Variants in CHFR observed in about 807,000 individuals in gnomAD.
CHFR encodes the protein E3 ubiquitin-protein ligase CHFR.
Under a neutral mutation model 87.6 loss-of-function variants are expected in CHFR, and 57 were observed. The observed-to-expected ratio is 0.65, with a 90% CI of 0.53 to 0.81. The LOEUF is 0.81. Among genes scored for constraint, CHFR ranks in the 30% least tolerant of loss-of-function variants. CHFR has a pLI of 0.00. For missense variants in CHFR, 797 were observed against 865.8 expected, an observed-to-expected ratio of 0.92 and a Z score of 1.00; for synonymous variants, 381 against 359.2, an observed-to-expected ratio of 1.06 and a Z score of -0.69.
chr12:132,842,095 C>A (rs145962987), intron 17 of CHFR, among the ~76,000 whole-genome samples: 2 of 121,962 alleles, frequency 1.6e-5, no homozygotes, highest in African/African-American at 6.4e-5. Context: ...GCAGACAGAG[C>A]GAGACTCCAT....
chr12:132,836,648 T>A lies in CHFR; in HGVS notation c.*4906A>T, dbSNP rs1371838616. 1 of 456,120 alleles carries A rather than the reference T, an allele frequency of 2.2e-6. No homozygotes were observed. The highest frequency in any genetic ancestry group is 1.5e-5 in the South Asian group (1 of 64,566). The allele number at this position is 456,120 out of a possible 1,614,324, so 28.3% of individuals were successfully genotyped here. A position where few individuals can be genotyped will look rare whatever the true frequency, so the allele number is the denominator to read the frequency against. On this transcript the variant is annotated 3_prime_UTR_variant, in exon 18 of 18. Transcript: ENST00000450056. Reference sequence around the variant, plus strand: ...CCTGAGTCCATTCCTTCCACAGACATGCACGACCAAGTGTCTGCTCTGTGT... The same window carrying A: ...CCTGAGTCCATTCCTTCCACAGACAAGCACGACCAAGTGTCTGCTCTGTGT...
At chr12:132,884,805 G>A (rs576391103) in intron 2 of CHFR, among the ~76,000 whole-genome samples, 1 of 152,106 alleles carries the variant, frequency 6.6e-6, no homozygotes, top group African/African-American at 2.4e-5. Context: ...ATAAATTTCT[G>A]GCCAGGCACA....
chr12:132,857,663 C>T, intron 8 of CHFR, 104 bp from the exon 9 acceptor site: 1 of 1,127,264 alleles, frequency 8.9e-7, no homozygotes, highest in Non-Finnish European at 1.3e-6. Flanking sequence ...TACAGGGGCC[C>T]AGCCATCGTT....
rs1008556440 is a variant in CHFR, at chr12:132,847,123, A to G, written c.1655T>C (p.Leu552Pro). Residue 552 changes from leucine to proline, a missense_variant, in exon 15 of 18, where the codon CTG (leucine) becomes CCG (proline). Leu to Pro is a moderately conservative substitution (Grantham distance 98, BLOSUM62 -3). Coordinates refer to ENST00000450056, the MANE Select transcript of CHFR (RefSeq NM_001161346.2). ...TTTCCATGTCAAACCTCTGGTTGCC[A>G]GGTAATTCTGTGACGCAAAAAAAGA... ...SYESDILKNY[L>P]ATRGLTWKNM... The G allele has an allele frequency of 1.9e-5, 30 of 1,613,570 alleles. No individual in the cohort carries two copies. The Admixed American group carries it at 3.2e-4, about 17-fold the overall frequency.
At chr12:132,865,454 A>C (rs1439131321) in intron 6 of CHFR, among the ~76,000 whole-genome samples, 1 of 151,706 alleles carries the variant, frequency 6.6e-6, no homozygotes, top group Non-Finnish European at 1.5e-5. Context: ...TCCCAGCCTC[A>C]GGTGATCCTC....
intron 11 of CHFR, among the ~76,000 whole-genome samples, chr12:132,852,394 G>A (rs1301801319): frequency 6.6e-6 from 1 of 152,162 alleles, no homozygotes; most frequent in African/African-American, 2.4e-5. Flanking sequence ...TCAGGTGAGA[G>A]AACAGCCATC....
rs1950631153 is a variant in CHFR, at chr12:132,834,027, G to A, written c.*7527C>T. ...GAGGGGGCAACAATCAGAGCCACAA[G>A]AAGCCCCTGAAGAGAAGCCTGGGGC... On this transcript the variant is annotated 3_prime_UTR_variant, in exon 18 of 18. Coordinates refer to ENST00000450056, the MANE Select transcript of CHFR (RefSeq NM_001161346.2). 1 of 152,338 alleles carries A rather than the reference G, an allele frequency of 6.6e-6. No homozygotes were observed. Among genetic ancestry groups the A allele is most frequent in the African/African-American group, 2.4e-5 (1 of 41,444 alleles). 9.4% of individuals were successfully genotyped at this position (152,338 alleles called of 1,614,324 possible). A position where few individuals can be genotyped will look rare whatever the true frequency, so the allele number is the denominator to read the frequency against.
chr12:132,849,124 A>G (rs12314382), intron 12 of CHFR: 24,678 of 159,806 alleles, frequency 0.15, 2,466 homozygotes, highest in South Asian at 0.23. Context: ...TTTATTTTTT[A>G]TTTTTGTAGA....
chr12:132,864,680 G>C (rs1951293983), intron 6 of CHFR, among the ~76,000 whole-genome samples: 1 of 152,034 alleles, frequency 6.6e-6, no homozygotes, highest in Non-Finnish European at 1.5e-5. Flanking sequence ...GTAGAGATGG[G>C]GTTTTGCCAT....
intron 4 of CHFR, among the ~76,000 whole-genome samples, chr12:132,871,525 A>G (rs1034850520): frequency 2.0e-5 from 3 of 151,888 alleles, no homozygotes; most frequent in African/African-American, 7.3e-5. Flanking sequence ...TAATCCCAGC[A>G]CTTTGGGAGG....
intron 4 of CHFR, among the ~76,000 whole-genome samples, chr12:132,871,203 G>C (rs1951479745): frequency 6.6e-6 from 1 of 152,220 alleles, no homozygotes; most frequent in Non-Finnish European, 1.5e-5. Flanking sequence ...TGTAATCCCA[G>C]CACTCTGGGA....
At chr12:132,846,842 T>C (rs1477118839) in intron 15 of CHFR, among the ~76,000 whole-genome samples, 1 of 152,150 alleles carries the variant, frequency 6.6e-6, no homozygotes, top group Non-Finnish European at 1.5e-5. Flanking sequence ...ATCATGCCAC[T>C]GCACTCCAGT....
At position 132,856,542 on chromosome 12, in the gene CHFR, A is replaced by C. The variant is rs745615761; in HGVS notation, c.1155T>G (p.Ser385=). The change falls in exon 10 of 18, where the codon TCT becomes TCG. Residue 385 remains serine (S), a synonymous_variant. Coordinates refer to ENST00000450056, the MANE Select transcript of CHFR (RefSeq NM_001161346.2). ...CTGAACTCCCTTCTTCATCAGAAAA[A>C]GACCGCCTGACTTTGGGCTGCAGCA... ...QDMLQPKVRR[S]FSDEEGSSED... 3.1e-6 allele frequency: 5 copies of C among 1,614,210 alleles called. No homozygotes were observed. Among genetic ancestry groups the C allele is most frequent in the Admixed American group, 1.7e-5 (1 of 60,022 alleles).
At chr12:132,847,356 C>T (rs1399349785) in intron 14 of CHFR, 1 of 1,253,798 alleles carries the variant, frequency 8.0e-7, no homozygotes, top group African/African-American at 1.5e-5. Flanking sequence ...TAACAGTTAC[C>T]AGAGTCTCTC....
In CHFR at chr12:132,832,396, G is replaced by A. The variant is rs1426576544; in HGVS notation, c.*9158C>T. ...AAACATTTAATTAGCATAAGATCTA[G>A]TATTCCATAGCACAGGAGGGTGAAT... On this transcript the variant is annotated 3_prime_UTR_variant, in exon 18 of 18. Transcript: ENST00000450056. 6.6e-6 allele frequency: 1 copy of A among 152,144 alleles called. No individual in the cohort carries two copies. The highest frequency in any genetic ancestry group is 2.1e-4 in the South Asian group (1 of 4,834). 9.4% of individuals were successfully genotyped at this position (152,144 alleles called of 1,614,324 possible). A position where few individuals can be genotyped will look rare whatever the true frequency, so the allele number is the denominator to read the frequency against.
intron 2 of CHFR, among the ~76,000 whole-genome samples, chr12:132,878,474 A>T (rs1188194989): frequency 1.1e-5 from 1 of 89,790 alleles, no homozygotes; most frequent in Non-Finnish European, 3.2e-5. Flanking sequence ...AACTGGAAAT[A>T]AAAAAAAAAA....
Position 132,833,190 on chromosome 12 carries a change from T to A in CHFR, c.*8364A>T, listed in dbSNP as rs567786400. 6.6e-6 allele frequency: 1 copy of A among 152,318 alleles called. No individual in the cohort carries two copies. Among genetic ancestry groups the A allele is most frequent in the South Asian group, 2.1e-4 (1 of 4,826 alleles). 9.4% of individuals were successfully genotyped at this position (152,318 alleles called of 1,614,324 possible). ...TATTCTGCGTGCGGGGGGTCCCTGC[T>A]TTGGTCCAGTTTCATGTTTGTGTGT... On this transcript the variant is annotated 3_prime_UTR_variant, in exon 18 of 18. Transcript: ENST00000450056.
chr12:132,840,764 G>A lies in CHFR; in HGVS notation c.*790C>T, dbSNP rs1950692083. On this transcript the variant is annotated 3_prime_UTR_variant, in exon 18 of 18. Transcript: ENST00000450056. The stretch of plus-strand genomic sequence containing the variant: ...GTCCTGGGACCTGCGTCCAGCCCCA[G>A]GCTCGGGGCCGCGGTCACTCACACA... 2 of 152,214 alleles carry A rather than the reference G, an allele frequency of 1.3e-5. No homozygotes were observed. Among genetic ancestry groups the A allele is most frequent in the Admixed American group, 1.3e-4 (2 of 15,224 alleles). 9.4% of individuals were successfully genotyped at this position (152,214 alleles called of 1,614,324 possible).
At chr12:132,884,338 G>T (rs1005724117) in intron 2 of CHFR, among the ~76,000 whole-genome samples, 1 of 150,628 alleles carries the variant, frequency 6.6e-6, no homozygotes, top group Admixed American at 6.6e-5. Flanking sequence ...AGAATTGCTT[G>T]AACCCGGGAG....
Sources: allele counts gnomAD v4.1 joint callset (sites outside exome capture counted in the v4.1 genomes callset), GRCh38; gene constraint gnomAD v4.1.1; transcripts MANE v1.5; gene names NCBI Gene and HGNC (gene_info 2026-07-23, HGNC 2026-07-21).